TCERG1: variants seen among roughly 807,000 people sequenced by gnomAD.
TCERG1 encodes the protein TATA box binding protein (TBP)-associated factor, RNA polymerase II, S, 150kD.
In TCERG1, 37 loss-of-function variants were observed where a neutral mutation model predicts 144.7. The observed-to-expected ratio is 0.26, with a 90% CI of 0.20 to 0.34. The LOEUF is 0.34. Ranked by LOEUF, TCERG1 falls within the 10% of genes least tolerant of loss-of-function variation. TCERG1 has a pLI of 1.00. For missense variants in TCERG1, 1,027 were observed against 1,380.7 expected (o/e 0.74, Z 4.06); for synonymous variants, 492 against 458.2 (o/e 1.07, Z -0.94).
chr5:146,488,607 CTT>C (rs1766085912), intron 15 of TCERG1, among the ~76,000 whole-genome samples: 1 of 152,142 alleles, frequency 6.6e-6, no homozygotes, highest in African/African-American at 2.4e-5. Flanking sequence ...AAAGGGAACT[CTT>C]TATATACTGT....
In TCERG1 at chr5:146,458,738, C is replaced by T. The variant is rs535264753; in HGVS notation, c.439-146C>T. The T allele has an allele frequency of 2.4e-5, 29 of 1,210,490 alleles. No individual in the cohort carries two copies. The Admixed American group carries it at 6.6e-4, about 28-fold the overall frequency. 75.0% of individuals were successfully genotyped at this position (1,210,490 alleles called of 1,614,324 possible). On this transcript the variant is annotated intron_variant, in intron 3 of 22. Transcript: ENST00000679501. ...AAGTGATCCACCTGCCTCTGCCTCC[C>T]AAAGTGCTGGGATTACAGGAATGAG...
chr5:146,479,527 C>T (rs539281894), intron 10 of TCERG1, among the ~76,000 whole-genome samples: 16 of 151,962 alleles, frequency 1.1e-4, no homozygotes, highest in Admixed American at 6.6e-4. Context: ...TTTTGTTTTT[C>T]GTGAATTTGT....
In TCERG1 at chr5:146,492,996, A is replaced by G; in HGVS notation, c.2240A>G (p.Glu747Gly). The G allele has an allele frequency of 6.2e-7, 1 of 1,606,916 alleles. No individual in the cohort carries two copies. Among genetic ancestry groups the G allele is most frequent in the African/African-American group, 1.3e-5 (1 of 74,536 alleles). Residue 747 changes from glutamate to glycine, a missense_variant, in exon 16 of 23, where the codon GAA becomes GGA. Coordinates refer to ENST00000679501, the MANE Select transcript of TCERG1 (RefSeq NM_001382548.1). ...AAAAATAAAATAATGCAAGCCAAGG[A>G]AGATTTCAAAAAAATGATGGAAGAA... is the stretch of plus-strand genomic sequence containing the variant. The part of the protein sequence containing the change: ...EKKNKIMQAK[E>G]DFKKMMEEAK...
intron 4 of TCERG1, among the ~76,000 whole-genome samples, chr5:146,460,069 T>C (rs912559609): frequency 1.3e-5 from 2 of 152,120 alleles, no homozygotes; most frequent in East Asian, 3.9e-4. Flanking sequence ...TATTAGGAGC[T>C]TCTCAGTAAT....
intron 15 of TCERG1, 115 bp downstream of exon 15, chr5:146,483,744 G>A (rs962001119): frequency 4.1e-5 from 30 of 731,610 alleles, no homozygotes; most frequent in African/African-American, 3.8e-4. Flanking sequence ...CAAAAATATA[G>A]TCTTGCATCT....
At chr5:146,478,012 C>G (rs1765013413) in intron 9 of TCERG1, among the ~76,000 whole-genome samples, 1 of 152,008 alleles carries the variant, frequency 6.6e-6, no homozygotes, top group East Asian at 1.9e-4. Context: ...CTTCCCTTTA[C>G]TTTTTATTTT....
At chr5:146,449,035 G>A (rs2033469) in intron 1 of TCERG1, among the ~76,000 whole-genome samples, 21,118 of 152,190 alleles carry the variant, frequency 0.14, 2,466 homozygotes, top group East Asian at 0.71. Context: ...TTATACCGTA[G>A]CCTCTTGGAT....
chr5:146,486,857 A>G (rs1335988846), intron 15 of TCERG1, among the ~76,000 whole-genome samples: 3 of 152,034 alleles, frequency 2.0e-5, no homozygotes, highest in African/African-American at 7.2e-5. Context: ...GGCGGATCAC[A>G]TGAGGTCAGG....
intron 19 of TCERG1, 29 bp from the exon 20 acceptor site, chr5:146,506,999 G>GTGAT (rs753905249): frequency 4.6e-6 from 7 of 1,517,660 alleles, no homozygotes; most frequent in Non-Finnish European, 6.2e-6. Context: ...AGTCTCTTTG[G>GTGAT]TGATATATAT....
intron 21 of TCERG1, among the ~76,000 whole-genome samples, chr5:146,508,169 T>G (rs373888806): frequency 1.3e-5 from 2 of 152,348 alleles, no homozygotes; most frequent in East Asian, 1.9e-4. Flanking sequence ...ATTTTAGTAC[T>G]TGGGGTGAAG....
chr5:146,509,622 G>T (rs1393928945), intron 22 of TCERG1, among the ~76,000 whole-genome samples: 1 of 151,808 alleles, frequency 6.6e-6, no homozygotes, highest in African/African-American at 2.4e-5. Flanking sequence ...AGACTATTCA[G>T]TGTGGTTAGA....
Position 146,472,701 on chromosome 5 carries a change from T to TTGTGTG in TCERG1, c.1601+1147_1601+1152dup, listed in dbSNP as rs59508893. Among the ~76,000 whole-genome samples the TTGTGTG allele has an allele frequency of 3.7e-3, 545 of 146,036 alleles. 2 individuals carry two copies. The highest frequency in any genetic ancestry group is 0.01 in the Middle Eastern group (3 of 288). On this transcript the variant is annotated intron_variant, in intron 9 of 22. Coordinates refer to ENST00000679501, the MANE Select transcript of TCERG1 (RefSeq NM_001382548.1). The stretch of plus-strand genomic sequence containing the variant: ...AAGGAAGAGTCACATACCTCTCACT[T>TTGTGTG]TGTGTGTGTGTGTGTGTGTGTGTGT...
chr5:146,498,682 A>C lies in TCERG1; in HGVS notation c.2429A>C (p.Glu810Ala). 6.2e-7 allele frequency: 1 copy of C among 1,608,800 alleles called. No homozygotes were observed. Among genetic ancestry groups the C allele is most frequent in the Non-Finnish European group, 8.5e-7 (1 of 1,178,096 alleles). ...AAAGAAGATTCGAAGACCAGAGGTG[A>C]GAAGGTAAGATGGTTTTAGTTCCAG... Reference protein sequence around the residue: ...KEKEDSKTRGEKIKSDFFELL... With the variant: ...KEKEDSKTRGAKIKSDFFELL... Residue 810 changes from glutamate to alanine, a missense_variant, in exon 17 of 23, where the codon GAG (glutamate) becomes GCG (alanine). By Grantham distance (107) the Glu-to-Ala change is moderately radical. Around this residue, in one of 6 missense-constraint regions of TCERG1, gnomAD observed 482 missense variants for 632.6 expected, o/e 0.76. Transcript: ENST00000679501.
intron 3 of TCERG1, among the ~76,000 whole-genome samples, chr5:146,458,159 T>C (rs913900616): frequency 7.3e-5 from 11 of 151,148 alleles, no homozygotes; most frequent in African/African-American, 2.7e-4. Context: ...CCCTAAGTTA[T>C]TTTATTTTAT....
intron 1 of TCERG1, among the ~76,000 whole-genome samples, chr5:146,448,534 C>A (rs1356367419): frequency 6.6e-6 from 1 of 152,034 alleles, no homozygotes; most frequent in Non-Finnish European, 1.5e-5. Context: ...CTGTTGTCAA[C>A]GTTTGAAAAT....
intron 12 of TCERG1, 89 bp from the exon 13 acceptor site, chr5:146,481,061 G>T: frequency 2.4e-6 from 1 of 424,644 alleles, no homozygotes; most frequent in African/African-American, 2.2e-5. Flanking sequence ...CCATAATTTT[G>T]GATGTTCCTA....
chr5:146,465,832 G>C (rs988693639), intron 5 of TCERG1, among the ~76,000 whole-genome samples: 4 of 152,008 alleles, frequency 2.6e-5, no homozygotes, highest in African/African-American at 9.7e-5. Flanking sequence ...AGGAGTTCGA[G>C]ACTAGCCTCA....
intron 15 of TCERG1, among the ~76,000 whole-genome samples, chr5:146,485,902 C>G (rs1344469680): frequency 6.6e-6 from 1 of 152,118 alleles, no homozygotes; most frequent in African/African-American, 2.4e-5. Flanking sequence ...ACCATGCTGG[C>G]CAGGCTGGTC....
chr5:146,483,646 A>T lies in TCERG1; in HGVS notation c.2163+17A>T. On this transcript the variant is annotated intron_variant, in intron 15 of 22. Coordinates refer to ENST00000679501, the MANE Select transcript of TCERG1 (RefSeq NM_001382548.1). Reference sequence around the variant, plus strand: ...AGAAAACAGGTAAAAGGAAAATGGCATTAACTAAGAATGTATATCTCTTGC... The same window carrying T: ...AGAAAACAGGTAAAAGGAAAATGGCTTTAACTAAGAATGTATATCTCTTGC... The T allele has an allele frequency of 6.3e-7, 1 of 1,588,436 alleles. No homozygotes were observed. The highest frequency in any genetic ancestry group is 1.1e-5 in the South Asian group (1 of 88,712).
Sources: gnomAD v4.1 joint callset for allele counts (sites outside exome capture counted in the v4.1 genomes callset) on GRCh38, gnomAD v4.1.1 for gene constraint, gnomAD v4.1.1 regional missense constraint, MANE v1.5 for transcripts, NCBI Gene and HGNC (gene_info 2026-07-23, HGNC 2026-07-21) for gene names.